RCOR1: variants seen among roughly 807,000 people sequenced by gnomAD.
The protein encoded by RCOR1 is REST corepressor.
In RCOR1, 12 loss-of-function variants were observed where a neutral mutation model predicts 64.0. The ratio of observed to expected loss-of-function variants is 0.19; its 90% CI spans 0.12 to 0.30. The LOEUF (loss-of-function observed/expected upper bound fraction) is 0.30. RCOR1 is among the 10% of genes least tolerant of loss of function. The probability of loss-of-function intolerance (pLI) is 1.00; values close to 1 mark genes in which losing one functional copy is unlikely to be tolerated. For missense variants in RCOR1, 502 were observed against 621.2 expected, an observed-to-expected ratio of 0.81 and a Z score of 2.04; for synonymous variants, 279 against 227.2, an observed-to-expected ratio of 1.23 and a Z score of -2.05.
chr14:102,629,519 A>G (rs1439225278), intron 2 of RCOR1, among the ~76,000 whole-genome samples: 1 of 150,152 alleles, frequency 6.7e-6, no homozygotes, highest in Non-Finnish European at 1.5e-5. Context: ...CTGTTTATTT[A>G]AAAATACGGA....
chr14:102,666,936 C>G (rs1175534910), intron 2 of RCOR1, among the ~76,000 whole-genome samples: 1 of 152,186 alleles, frequency 6.6e-6, no homozygotes. Flanking sequence ...CCATACAACC[C>G]CCTTTTTTGG....
intron 3 of RCOR1, among the ~76,000 whole-genome samples, chr14:102,688,511 G>A (rs1335946407): frequency 2.6e-5 from 4 of 152,172 alleles, no homozygotes; most frequent in Admixed American, 2.0e-4. Context: ...TTTATTGGTG[G>A]TAGTAAGGTG....
At chr14:102,648,467 G>A (rs1894519564) in intron 2 of RCOR1, among the ~76,000 whole-genome samples, 1 of 152,140 alleles carries the variant, frequency 6.6e-6, no homozygotes, top group Admixed American at 6.5e-5. Context: ...GGAGTCAACT[G>A]TTTGTCTAAG....
At chr14:102,655,180 G>A in intron 2 of RCOR1, 1 of 693,784 alleles carries the variant, frequency 1.4e-6, no homozygotes, top group Non-Finnish European at 1.8e-6. Flanking sequence ...ACAGGCATAT[G>A]GTACAAAATT....
At chr14:102,701,797 C>A (rs1204958106) in intron 4 of RCOR1, among the ~76,000 whole-genome samples, 1 of 152,192 alleles carries the variant, frequency 6.6e-6, no homozygotes, top group Non-Finnish European at 1.5e-5. Context: ...CAGCTCATTG[C>A]AACCTCTGCC....
rs559888488 is a variant in RCOR1, at chr14:102,643,878, T to C, written c.362-38017T>C. Among the ~76,000 whole-genome samples the C allele has an allele frequency of 3.3e-5, 5 of 152,354 alleles. No individual in the cohort carries two copies. The South Asian group carries it at 1.0e-3, about 32-fold the overall frequency. The stretch of plus-strand genomic sequence containing the variant: ...GCCTGGCTTATACTCTCCAGCAAAT[T>C]AGAAGGTTCTTCTTTGGGAGAAAAC... On this transcript the variant is annotated intron_variant, in intron 2 of 11. Coordinates refer to ENST00000262241, the MANE Select transcript of RCOR1 (RefSeq NM_015156.4).
intron 10 of RCOR1, among the ~76,000 whole-genome samples, chr14:102,721,935 C>T (rs1159244455): frequency 1.3e-5 from 2 of 152,148 alleles, no homozygotes; most frequent in East Asian, 1.9e-4. Context: ...AACCCTAGGG[C>T]AATTGCTGGG....
rs200702020 is a variant in RCOR1, at chr14:102,676,507, AC to A, written c.362-5379del. Among the ~76,000 whole-genome samples the A allele has an allele frequency of 4.3e-3, 28 of 6,528 alleles. 2 individuals are homozygous for A. The highest frequency in any genetic ancestry group is 9.9e-3 in the Admixed American group (6 of 606). 4.3% of individuals were successfully genotyped at this position (6,528 alleles called of 152,430 possible). On this transcript the variant is annotated intron_variant, in intron 2 of 11. Coordinates refer to ENST00000262241, the MANE Select transcript of RCOR1 (RefSeq NM_015156.4). ...CCCTCCCGGACAGGGCGGCTGGCCG[AC>A]CCCCCCCCACCTCCCTCCCGGACGG...
intron 3 of RCOR1, 34 bp from the exon 4 acceptor site, chr14:102,701,244 A>C: frequency 6.4e-7 from 1 of 1,567,940 alleles, no homozygotes; most frequent in Non-Finnish European, 8.8e-7. Context: ...TCTGTCCCTC[A>C]GTTTGTTTAA....
At chr14:102,639,486 T>A (rs909102214) in intron 2 of RCOR1, among the ~76,000 whole-genome samples, 1 of 147,306 alleles carries the variant, frequency 6.8e-6, no homozygotes, top group African/African-American at 2.5e-5. Flanking sequence ...CTAATTAATT[T>A]ATTTTTTAAT....
At chr14:102,705,860 G>A (rs1895841419) in intron 4 of RCOR1, among the ~76,000 whole-genome samples, 3 of 151,930 alleles carry the variant, frequency 2.0e-5, no homozygotes, top group African/African-American at 4.8e-5. Context: ...TGGATGTGGT[G>A]GCTCACACCT....
chr14:102,708,201 G>T (rs1214433717), intron 5 of RCOR1, among the ~76,000 whole-genome samples: 2 of 152,066 alleles, frequency 1.3e-5, no homozygotes, highest in Non-Finnish European at 2.9e-5. Flanking sequence ...TCTTGACCTC[G>T]TGATCCACCC....
At chr14:102,637,052 A>G (rs898661963) in intron 2 of RCOR1, among the ~76,000 whole-genome samples, 3 of 152,144 alleles carry the variant, frequency 2.0e-5, no homozygotes, top group African/African-American at 4.8e-5. Flanking sequence ...AGACTTTGTA[A>G]ATGTTTTTCT....
In RCOR1 at chr14:102,707,290, C is replaced by T. The variant is rs532983051; in HGVS notation, c.499-61C>T. ...TCGTTTTTACTTTTCTTTTGCTGGTCTCATTTCCATTTTCATTGTTTTTTG... is the reference window on the plus strand; with the variant it reads ...TCGTTTTTACTTTTCTTTTGCTGGTTTCATTTCCATTTTCATTGTTTTTTG... On this transcript the variant is annotated intron_variant, in intron 4 of 11. Coordinates refer to ENST00000262241, the MANE Select transcript of RCOR1 (RefSeq NM_015156.4). 5,726 of 1,289,182 alleles carry T rather than the reference C, an allele frequency of 4.4e-3. 26 individuals are homozygous for T. Among genetic ancestry groups the T allele is most frequent in the Non-Finnish European group, 5.6e-3 (5,290 of 942,548 alleles). 79.9% of individuals were successfully genotyped at this position (1,289,182 alleles called of 1,614,324 possible). A position where few individuals can be genotyped will look rare whatever the true frequency, so the allele number is the denominator to read the frequency against.
Position 102,667,140 on chromosome 14 carries a change from C to T in RCOR1, c.362-14755C>T, listed in dbSNP as rs527728372. On this transcript the variant is annotated intron_variant, in intron 2 of 11. Coordinates refer to ENST00000262241, the MANE Select transcript of RCOR1 (RefSeq NM_015156.4). The stretch of plus-strand genomic sequence containing the variant: ...AGTTGAGCCCAGGAGTTTGAGGCTG[C>T]GGTGAGCTATGGTCATATCACTGCA... Among the ~76,000 whole-genome samples the T allele has an allele frequency of 3.9e-5, 6 of 152,028 alleles. No homozygotes were observed. The East Asian group carries it at 5.8e-4, about 15-fold the overall frequency.
At position 102,601,971 on chromosome 14, in the gene RCOR1, C is replaced by T. The variant is rs1893408156; in HGVS notation, c.361+8646C>T. Reference sequence around the variant, plus strand: ...ATCAGGAGTTCGAGACCAGCCTGGCCAACATGGCGAAACCCCGTCTCTACT... The same window carrying T: ...ATCAGGAGTTCGAGACCAGCCTGGCTAACATGGCGAAACCCCGTCTCTACT... On this transcript the variant is annotated intron_variant, in intron 2 of 11. Coordinates refer to ENST00000262241, the MANE Select transcript of RCOR1 (RefSeq NM_015156.4). Among the ~76,000 whole-genome samples, 3 of 152,070 alleles carry T rather than the reference C, an allele frequency of 2.0e-5. No homozygotes were observed. In the South Asian group the frequency reaches 6.2e-4, roughly 32 times the overall value.
intron 4 of RCOR1, among the ~76,000 whole-genome samples, chr14:102,702,284 T>A (rs1188060617): frequency 6.6e-6 from 1 of 152,098 alleles, no homozygotes; most frequent in African/African-American, 2.4e-5. Context: ...TATACCTGTA[T>A]GAATTCTTAA....
At chr14:102,662,358 CAT>C (rs1453945111) in intron 2 of RCOR1, 1 of 566,908 alleles carries the variant, frequency 1.8e-6, no homozygotes, top group Non-Finnish European at 3.4e-6. Context: ...ACATCAATGT[CAT>C]AGAGCTTCTT....
chr14:102,707,179 C>G (rs1895874849), intron 4 of RCOR1, among the ~76,000 whole-genome samples, 172 bp from the exon 5 acceptor site: 1 of 151,950 alleles, frequency 6.6e-6, no homozygotes, highest in African/African-American at 2.4e-5. Flanking sequence ...GTGTATATTA[C>G]CACAGTTACA....
Sources: allele counts gnomAD v4.1 joint callset (sites outside exome capture counted in the v4.1 genomes callset), GRCh38; gene constraint gnomAD v4.1.1; transcripts MANE v1.5; gene names NCBI Gene and HGNC (gene_info 2026-07-23, HGNC 2026-07-21).